Variants in AK5 observed in about 807,000 individuals in gnomAD.
AK5 encodes the protein adenylate kinase isoenzyme 5.
AK5 carries 27 observed loss-of-function variants against 69.5 expected under a neutral mutation model. That is an observed-to-expected ratio of 0.39 (90% CI 0.29 to 0.54). The LOEUF is 0.54. AK5 is among the 20% of genes least tolerant of loss of function. AK5 has a pLI of 0.71. For synonymous variants in AK5, 260 were observed against 244.4 expected (o/e 1.06, Z -0.60); for missense variants, 531 against 700.4 (o/e 0.76, Z 2.73).
chr1:77,530,681 A>G (rs755663763), intron 12 of AK5, among the ~76,000 whole-genome samples: 3 of 152,192 alleles, frequency 2.0e-5, no homozygotes, highest in Non-Finnish European at 4.4e-5. Context: ...AACCCTCACA[A>G]TAGTCCTGTG....
intron 10 of AK5, among the ~76,000 whole-genome samples, chr1:77,488,805 G>A (rs561693087): frequency 3.9e-5 from 6 of 152,280 alleles, no homozygotes; most frequent in African/African-American, 1.2e-4. Context: ...GAGTGGATCT[G>A]CCTTCCTCAG....
chr1:77,520,681 A>T (rs1000043197), intron 11 of AK5, among the ~76,000 whole-genome samples: 1 of 152,240 alleles, frequency 6.6e-6, no homozygotes, highest in Admixed American at 6.5e-5. Context: ...ACCCTATAGA[A>T]AGTAACACCT....
intron 13 of AK5, among the ~76,000 whole-genome samples, chr1:77,538,519 G>A (rs115009522): frequency 0.025 from 3,813 of 150,930 alleles, 126 homozygotes; most frequent in African/African-American, 0.088. Context: ...GTGTGGTGGC[G>A]CGTGCCTGTA....
intron 1 of AK5, chr1:77,283,316 A>T: frequency 1.0e-6 from 1 of 985,408 alleles, no homozygotes. Flanking sequence ...AAAAGAATAG[A>T]AGCAAGCCAG....
intron 10 of AK5, among the ~76,000 whole-genome samples, chr1:77,491,035 G>A (rs1407405860): frequency 1.3e-5 from 2 of 152,098 alleles, no homozygotes; most frequent in Non-Finnish European, 2.9e-5. Context: ...CTTTCAATGT[G>A]TCTGGGACAC....
At chr1:77,532,182 G>C (rs992876199) in intron 12 of AK5, 3 of 154,626 alleles carry the variant, frequency 1.9e-5, no homozygotes, top group African/African-American at 7.2e-5. Context: ...ACAGTGCAGC[G>C]GCGGGCTGAA....
At chr1:77,401,363 C>T (rs987922998) in intron 6 of AK5, among the ~76,000 whole-genome samples, 1 of 152,150 alleles carries the variant, frequency 6.6e-6, no homozygotes, top group Non-Finnish European at 1.5e-5. Flanking sequence ...CAGTAACAAA[C>T]AAGAAATGCC....
chr1:77,473,654 G>A (rs75136359), intron 8 of AK5, among the ~76,000 whole-genome samples: 1,832 of 152,218 alleles, frequency 0.012, 36 homozygotes, highest in East Asian at 0.079. Context: ...GAAAAAAGAA[G>A]CTGTCTTCTT....
At chr1:77,418,625 CT>C (rs1486123513) in intron 8 of AK5, among the ~76,000 whole-genome samples, 1 of 152,200 alleles carries the variant, frequency 6.6e-6, no homozygotes. Context: ...AGCCAACCCC[CT>C]AATTAGGCTT....
At chr1:77,515,638 C>A (rs1000997252) in intron 10 of AK5, among the ~76,000 whole-genome samples, 1 of 152,116 alleles carries the variant, frequency 6.6e-6, no homozygotes, top group African/African-American at 2.4e-5. Context: ...AGGGAGCACC[C>A]GGCGCTGTTT....
At chr1:77,450,074 G>A (rs1333178405) in intron 8 of AK5, among the ~76,000 whole-genome samples, 1 of 152,156 alleles carries the variant, frequency 6.6e-6, no homozygotes, top group Non-Finnish European at 1.5e-5. Flanking sequence ...GGGGCAAAAT[G>A]CTTCCAGTCT....
chr1:77,331,756 A>G (rs1050635624), intron 5 of AK5, among the ~76,000 whole-genome samples: 2 of 151,838 alleles, frequency 1.3e-5, no homozygotes, highest in Non-Finnish European at 2.9e-5. Context: ...TTTTTTTGGT[A>G]TTTTACAGAA....
At chr1:77,365,944 A>T (rs1483561803) in intron 6 of AK5, among the ~76,000 whole-genome samples, 2 of 152,184 alleles carry the variant, frequency 1.3e-5, no homozygotes, top group African/African-American at 2.4e-5. Context: ...TTTCAAAAAA[A>T]CATGTAATGG....
At chr1:77,459,766 A>T (rs977574996) in intron 8 of AK5, among the ~76,000 whole-genome samples, 2 of 152,198 alleles carry the variant, frequency 1.3e-5, no homozygotes, top group Non-Finnish European at 2.9e-5. Context: ...GGTGGCTATC[A>T]TTATTATCAT....
chr1:77,329,760 A>T (rs1032148545), intron 5 of AK5, among the ~76,000 whole-genome samples: 2 of 152,172 alleles, frequency 1.3e-5, no homozygotes, highest in African/African-American at 2.4e-5. Context: ...CTGGGACCAA[A>T]GCTGACCAAA....
chr1:77,455,150 G>C (rs1029197755), intron 8 of AK5, among the ~76,000 whole-genome samples: 17 of 151,940 alleles, frequency 1.1e-4, no homozygotes, highest in Non-Finnish European at 2.5e-4. Flanking sequence ...GAAATTACTT[G>C]GCCAAAAACA....
chr1:77,322,096 T>C (rs541410435), intron 5 of AK5, among the ~76,000 whole-genome samples: 50 of 152,344 alleles, frequency 3.3e-4, no homozygotes, highest in African/African-American at 1.2e-3. Context: ...AATATCTTTA[T>C]TTTTAAAATA....
intron 10 of AK5, among the ~76,000 whole-genome samples, chr1:77,511,577 A>G (rs1052314788): frequency 6.6e-6 from 1 of 152,230 alleles, no homozygotes; most frequent in South Asian, 2.1e-4. Context: ...TGGACATCCA[A>G]TTGATGTCCA....
intron 7 of AK5, among the ~76,000 whole-genome samples, chr1:77,413,232 G>T (rs921797817): frequency 6.6e-6 from 1 of 151,996 alleles, no homozygotes; most frequent in African/African-American, 2.4e-5. Flanking sequence ...TCCTGCCTTA[G>T]GCATTTTCCA....
Sources: gnomAD v4.1 joint callset for allele counts (sites outside exome capture counted in the v4.1 genomes callset) on GRCh38, gnomAD v4.1.1 for gene constraint, MANE v1.5 for transcripts, NCBI Gene and HGNC (gene_info 2026-07-23, HGNC 2026-07-21) for gene names.